Variants in IPP observed in about 807,000 individuals in gnomAD.
IPP encodes the protein intracisternal A particle-promoted polypeptide, also known as actin-binding protein IPP.
Under a neutral mutation model 64.1 loss-of-function variants are expected in IPP, and 41 were observed. The ratio of observed to expected loss-of-function variants is 0.64; its 90% CI spans 0.50 to 0.83. The LOEUF (loss-of-function observed/expected upper bound fraction) is 0.83. Ranked by LOEUF, IPP falls within the 40% of genes least tolerant of loss-of-function variation. The pLI, the probability that IPP is intolerant of heterozygous loss-of-function variation, is 0.00. For synonymous variants in IPP, 214 were observed against 235.2 expected, an observed-to-expected ratio of 0.91 and a Z score of 0.83; for missense variants, 649 against 703.0, an observed-to-expected ratio of 0.92 and a Z score of 0.87.
chr1:45,725,064 TG>T (rs1487738872), intron 5 of IPP, among the ~76,000 whole-genome samples: 2 of 41,408 alleles, frequency 4.8e-5, no homozygotes, highest in African/African-American at 9.5e-5. Context: ...GGGAGGGAGG[TG>T]GGGGGGTCAG....
intron 8 of IPP, among the ~76,000 whole-genome samples, chr1:45,713,749 C>G (rs1249394725): frequency 1.3e-5 from 2 of 152,094 alleles, no homozygotes; most frequent in African/African-American, 4.8e-5. Flanking sequence ...ATTTATTATA[C>G]AGTCTCACTA....
chr1:45,717,913 C>T (rs1032674491), intron 6 of IPP, among the ~76,000 whole-genome samples: 1 of 152,080 alleles, frequency 6.6e-6, no homozygotes, highest in Non-Finnish European at 1.5e-5. Flanking sequence ...TTAAATTCAC[C>T]TTAAGGTAAC....
At position 45,741,145 on chromosome 1, in the gene IPP, G is replaced by C; in HGVS notation, c.480C>G (p.Asn160Lys). The C allele has an allele frequency of 6.2e-7, 1 of 1,614,188 alleles. No homozygotes were observed. The highest frequency in any genetic ancestry group is 8.5e-7 in the Non-Finnish European group (1 of 1,180,028). ...CCTCCAAGAAATGGACATGAATGTA[G>C]TTTTCTGAGAATTCCAAGAGATCAT... ...ACHDLLEFSE[N>K]YIHVHFLEVH... The change falls in exon 3 of 9, where the codon AAC becomes AAG. Residue 160 changes from asparagine (N) to lysine (K), a missense_variant. Transcript: ENST00000396478.
intron 5 of IPP, among the ~76,000 whole-genome samples, chr1:45,722,883 A>G (rs1336512550): frequency 6.6e-6 from 1 of 152,254 alleles, no homozygotes; most frequent in East Asian, 1.9e-4. Context: ...CAGACACAAT[A>G]TTATATGATT....
intron 5 of IPP, among the ~76,000 whole-genome samples, chr1:45,721,750 TA>T (rs1396101178): frequency 6.6e-6 from 1 of 152,186 alleles, no homozygotes; most frequent in Non-Finnish European, 1.5e-5. Flanking sequence ...ACTAAGTATC[TA>T]AAAAGTTACT....
intron 7 of IPP, 39 bp downstream of exon 7, chr1:45,716,856 A>G (rs1056755767): frequency 6.3e-7 from 1 of 1,579,606 alleles, no homozygotes; most frequent in African/African-American, 1.4e-5. Context: ...AGTTTTTCAG[A>G]ACTACATTTT....
At chr1:45,728,269 A>G (rs962308376) in intron 4 of IPP, among the ~76,000 whole-genome samples, 2 of 151,222 alleles carry the variant, frequency 1.3e-5, no homozygotes, top group African/African-American at 4.9e-5. Context: ...CCTCCTGATG[A>G]AATCCTTGTT....
rs993315272 is a variant in IPP at position 45,698,775 on chromosome 1, G to A, written c.*1191C>T. ...ATGCTGTCACCCAGGCCGGTGTGCA[G>A]TGGCACAATCTTGGCTCACTGCAGC... is the stretch of plus-strand genomic sequence containing the variant. On this transcript the variant is annotated 3_prime_UTR_variant, in exon 9 of 9. Transcript: ENST00000396478. 1 of 616,086 alleles carries A rather than the reference G, an allele frequency of 1.6e-6. No individual in the cohort carries two copies. Among genetic ancestry groups the A allele is most frequent in the Non-Finnish European group, 2.0e-6 (1 of 498,998 alleles). 38.2% of individuals were successfully genotyped at this position (616,086 alleles called of 1,614,324 possible).
chr1:45,720,824 C>T (rs1161469626), intron 5 of IPP, among the ~76,000 whole-genome samples: 1 of 152,060 alleles, frequency 6.6e-6, no homozygotes, highest in Non-Finnish European at 1.5e-5. Context: ...GCATATTATC[C>T]ATAAAAACTC....
chr1:45,736,881 T>C (rs920290652), intron 3 of IPP, among the ~76,000 whole-genome samples: 7 of 149,592 alleles, frequency 4.7e-5, no homozygotes, highest in African/African-American at 1.7e-4. Context: ...CTGCTAAAAA[T>C]ACAAAAAAAA....
At chr1:45,740,332 G>A (rs1557759540) in intron 3 of IPP, among the ~76,000 whole-genome samples, 1 of 152,190 alleles carries the variant, frequency 6.6e-6, no homozygotes. Context: ...TCAATGAGCT[G>A]TTGGGTACAC....
chr1:45,705,800 C>G (rs1187927123), intron 8 of IPP, among the ~76,000 whole-genome samples: 4 of 146,052 alleles, frequency 2.7e-5, no homozygotes, highest in Non-Finnish European at 6.1e-5. Context: ...AGTGAGACAT[C>G]GTCTCAACAA....
At chr1:45,714,605 T>G in intron 7 of IPP, 139 bp from the exon 8 acceptor site, 1 of 622,610 alleles carries the variant, frequency 1.6e-6, no homozygotes. Flanking sequence ...AGAGAGAAAA[T>G]CAACTTTGTC....
At chr1:45,714,119 GA>G in intron 8 of IPP, 126 bp downstream of exon 8, 2 of 624,176 alleles carry the variant, frequency 3.2e-6, no homozygotes, top group South Asian at 4.8e-5. Context: ...TTCTTCTTTG[GA>G]AAGAAAAAAG....
rs536463519 is a variant in IPP, at chr1:45,736,978, G to C, written c.724+3923C>G. 5.1e-4 allele frequency among the ~76,000 whole-genome samples: 77 copies of C among 151,160 alleles called. 1 individual carries two copies. The highest frequency in any genetic ancestry group is 1.7e-3 in the African/African-American group (72 of 41,186). On this transcript the variant is annotated intron_variant, in intron 3 of 8. Transcript: ENST00000396478. ...GAACGGCATGAACCCGGGAGGCGGA[G>C]GTTGCAGTGAGCCGAGATCGCGCCA... is the stretch of plus-strand genomic sequence containing the variant.
Position 45,699,869 on chromosome 1 carries a change from G to A in IPP, c.*97C>T. The A allele has an allele frequency of 3.9e-6, 6 of 1,532,482 alleles. No homozygotes were observed. The highest frequency in any genetic ancestry group is 1.8e-4 in the Middle Eastern group (1 of 5,694). The allele number at this position is 1,532,482 out of a possible 1,614,324, so 94.9% of individuals were successfully genotyped here. On this transcript the variant is annotated 3_prime_UTR_variant, in exon 9 of 9. Transcript: ENST00000396478. ...CTACCAAATACATGGAAAACTCACA[G>A]AATCAGAGGGTCTTATCACCAAATC...
rs76600767 is a variant in IPP, at chr1:45,715,223, G to A, written c.1310-757C>T. Among the ~76,000 whole-genome samples the A allele has an allele frequency of 6.8e-4, 102 of 150,588 alleles. No individual in the cohort carries two copies. In the East Asian group the frequency reaches 0.013, roughly 20 times the overall value. On this transcript the variant is annotated intron_variant, in intron 7 of 8. Coordinates refer to ENST00000396478, the MANE Select transcript of IPP (RefSeq NM_005897.3). Reference sequence around the variant, plus strand: ...AAAAAAAAAAAAAAAAAATTACTACGGTAAAATATAATGTAATTTACATAA... The same window carrying A: ...AAAAAAAAAAAAAAAAAATTACTACAGTAAAATATAATGTAATTTACATAA...
chr1:45,740,784 G>C (rs1646052243), intron 3 of IPP, 117 bp downstream of exon 3: 1 of 591,212 alleles, frequency 1.7e-6, no homozygotes, highest in African/African-American at 1.9e-5. Flanking sequence ...AAAAAAAAGA[G>C]TAATCATTCA....
chr1:45,699,982 C>G lies in IPP; in HGVS notation c.1739G>C (p.Gly580Ala), dbSNP rs1190020894. 6.2e-7 allele frequency: 1 copy of G among 1,614,028 alleles called. No individual in the cohort carries two copies. The highest frequency in any genetic ancestry group is 1.7e-5 in the Admixed American group (1 of 59,998). ...CTTTATATTTCATAGCACAGCAACG[C>G]CCCCTTCACAACGACTGGTGATCAT... ...GNMITSRCEG[G>A]VAVL Residue 580 changes from glycine (G) to alanine (A), a missense_variant, in exon 9 of 9, where the codon GGC becomes GCC. Gly to Ala is a moderately conservative substitution (Grantham distance 60). Transcript: ENST00000396478.
Sources: gnomAD v4.1 joint callset for allele counts (sites outside exome capture counted in the v4.1 genomes callset) on GRCh38, gnomAD v4.1.1 for gene constraint, MANE v1.5 for transcripts, NCBI Gene and HGNC (gene_info 2026-07-23, HGNC 2026-07-21) for gene names.